OXR1: variants seen among roughly 807,000 people sequenced by gnomAD.
OXR1 encodes the protein oxidation resistance protein 1.
OXR1 carries 41 observed loss-of-function variants against 104.6 expected under a neutral mutation model. The observed-to-expected ratio is 0.39, with a 90% CI of 0.31 to 0.51. OXR1 has a LOEUF of 0.51. OXR1 is among the 20% of genes least tolerant of loss of function. The pLI is 0.77. For missense variants in OXR1, 955 were observed against 1,031.9 expected, an observed-to-expected ratio of 0.93 and a Z score of 1.02; for synonymous variants, 348 against 348.4, an observed-to-expected ratio of 1.00 and a Z score of 0.01.
At chr8:106,395,891 G>A (rs1325178671) in intron 2 of OXR1, among the ~76,000 whole-genome samples, 1 of 151,928 alleles carries the variant, frequency 6.6e-6, no homozygotes, top group Non-Finnish European at 1.5e-5. Flanking sequence ...GTCTTCTAGT[G>A]TCAAAAAATG....
At chr8:106,471,835 TTTAGAC>T (rs1821508167) in intron 2 of OXR1, among the ~76,000 whole-genome samples, 1 of 151,932 alleles carries the variant, frequency 6.6e-6, no homozygotes, top group Admixed American at 6.6e-5. Flanking sequence ...TTGAAATAAT[TTTAGAC>T]TTAGAGGAAA....
chr8:106,742,308 G>A lies in OXR1; in HGVS notation c.2403G>A (p.Pro801=), dbSNP rs202182390. ...AGACCTTTGTTTTTACATTCTGTCCGGAGTTTGAGGTAAGAACCACTATTT... is the reference window on the plus strand; with the variant it reads ...AGACCTTTGTTTTTACATTCTGTCCAGAGTTTGAGGTAAGAACCACTATTT... ...TGETFVFTFC[P]EFEVFKWTGD... Residue 801 remains proline, a synonymous_variant, in exon 15 of 17, where the codon CCG becomes CCA. Transcript: ENST00000517566. 125 of 1,592,316 alleles carry A rather than the reference G, an allele frequency of 7.9e-5. No homozygotes were observed. In the South Asian group the frequency reaches 8.1e-4, roughly 10 times the overall value.
chr8:106,712,083 T>C (rs1831751174), intron 10 of OXR1, among the ~76,000 whole-genome samples: 1 of 152,126 alleles, frequency 6.6e-6, no homozygotes, highest in East Asian at 1.9e-4. Context: ...CTCCCTTTTA[T>C]TTTTCTTTAT....
chr8:106,661,869 C>G (rs940801457), intron 3 of OXR1, among the ~76,000 whole-genome samples: 2 of 152,200 alleles, frequency 1.3e-5, no homozygotes, highest in African/African-American at 4.8e-5. Context: ...AGTTCCCATT[C>G]CAAGTTAGGT....
chr8:106,313,932 G>T (rs1375889185), intron 1 of OXR1, among the ~76,000 whole-genome samples: 2 of 152,216 alleles, frequency 1.3e-5, no homozygotes, highest in African/African-American at 4.8e-5. Flanking sequence ...AAAGAAGAAT[G>T]TTTTTCTCAT....
chr8:106,572,611 A>T (rs918558295), intron 3 of OXR1, among the ~76,000 whole-genome samples: 1 of 152,194 alleles, frequency 6.6e-6, no homozygotes, highest in African/African-American at 2.4e-5. Flanking sequence ...TGCAAGTTCT[A>T]ACTTTCACAA....
rs1476715984 is a variant in OXR1 at position 106,694,667 on chromosome 8, TG to T, written c.675+1791del. Among the ~76,000 whole-genome samples, 70 of 111,720 alleles carry T rather than the reference TG, an allele frequency of 6.3e-4. 2 individuals carry two copies. Among genetic ancestry groups the T allele is most frequent in the Admixed American group, 3.9e-3 (35 of 8,944 alleles). 73.3% of individuals were successfully genotyped at this position (111,720 alleles called of 152,430 possible). A position where few individuals can be genotyped will look rare whatever the true frequency, so the allele number is the denominator to read the frequency against. On this transcript the variant is annotated intron_variant, in intron 7 of 16. Transcript: ENST00000517566. ...TATATATATTTGATATATAAATATATGTTTATATATTTAATATATAAATATA... is the reference window on the plus strand; with the variant it reads ...TATATATATTTGATATATAAATATATTTTATATATTTAATATATAAATATA...
intron 1 of OXR1, among the ~76,000 whole-genome samples, chr8:106,317,613 T>C (rs1294193715): frequency 2.6e-5 from 4 of 152,148 alleles, no homozygotes; most frequent in Non-Finnish European, 1.5e-5. Flanking sequence ...TAGGACACCA[T>C]TGGATCAAGG....
chr8:106,659,521 G>T (rs781252268), intron 3 of OXR1, among the ~76,000 whole-genome samples: 10 of 152,146 alleles, frequency 6.6e-5, no homozygotes, highest in Non-Finnish European at 8.8e-5. Flanking sequence ...GTGGGACCAG[G>T]CATAGGAAAG....
intron 2 of OXR1, among the ~76,000 whole-genome samples, chr8:106,366,453 T>C (rs181690997): frequency 1.0e-3 from 158 of 152,326 alleles, no homozygotes; most frequent in African/African-American, 3.7e-3. Flanking sequence ...AATTTAGTTA[T>C]CAAAATAGTT....
chr8:106,609,135 G>A (rs746947826), intron 3 of OXR1, among the ~76,000 whole-genome samples: 2 of 152,172 alleles, frequency 1.3e-5, no homozygotes, highest in Non-Finnish European at 2.9e-5. Flanking sequence ...GCAGTGGGAC[G>A]TGGTGGGTCA....
At chr8:106,714,427 A>G (rs887221643) in intron 11 of OXR1, among the ~76,000 whole-genome samples, 1 of 152,078 alleles carries the variant, frequency 6.6e-6, no homozygotes, top group African/African-American at 2.4e-5. Context: ...ATCTATACAA[A>G]TTACTACTCC....
chr8:106,371,397 C>T (rs1816701797), intron 2 of OXR1, among the ~76,000 whole-genome samples: 1 of 151,332 alleles, frequency 6.6e-6, no homozygotes, highest in Non-Finnish European at 1.5e-5. Context: ...TCTCTATCTC[C>T]TTCAAGTCTT....
At chr8:106,339,511 AAAAAAAAAATATATATATATATAT>A (rs1239012239) in intron 1 of OXR1, among the ~76,000 whole-genome samples, 1 of 43,086 alleles carries the variant, frequency 2.3e-5, no homozygotes, top group African/African-American at 1.5e-4. Context: ...AAAAAAAAAA[AAAAAAAAAATATATATATATATAT>A]ATATATATAT....
chr8:106,450,672 C>T (rs1001192115), intron 2 of OXR1, among the ~76,000 whole-genome samples: 1 of 151,956 alleles, frequency 6.6e-6, no homozygotes, highest in Non-Finnish European at 1.5e-5. Context: ...CAGAGCAGAC[C>T]TTTTAAAGCC....
At chr8:106,647,773 T>C (rs991913108) in intron 3 of OXR1, among the ~76,000 whole-genome samples, 1 of 152,238 alleles carries the variant, frequency 6.6e-6, no homozygotes, top group South Asian at 2.1e-4. Context: ...AGATTACGGG[T>C]GTGGGCTATG....
chr8:106,559,397 C>A (rs1816515152), intron 3 of OXR1, among the ~76,000 whole-genome samples: 1 of 152,194 alleles, frequency 6.6e-6, no homozygotes, highest in South Asian at 2.1e-4. Context: ...ATCCTTACAA[C>A]TATTTTCCTG....
At chr8:106,363,557 G>T (rs532446748) in intron 2 of OXR1, among the ~76,000 whole-genome samples, 16 of 141,848 alleles carry the variant, frequency 1.1e-4, no homozygotes, top group African/African-American at 3.8e-4. Context: ...GCATATATTC[G>T]TTTTTTTTTT....
intron 1 of OXR1, among the ~76,000 whole-genome samples, chr8:106,299,551 T>C (rs535495350): frequency 5.5e-4 from 84 of 152,280 alleles, no homozygotes; most frequent in African/African-American, 2.0e-3. Flanking sequence ...TACTTTTTTT[T>C]CCAGGTGGTT....
Sources: allele counts gnomAD v4.1 joint callset (sites outside exome capture counted in the v4.1 genomes callset), GRCh38; gene constraint gnomAD v4.1.1; transcripts MANE v1.5; gene names NCBI Gene and HGNC (gene_info 2026-07-23, HGNC 2026-07-21).